The following GRK5 variants were observed in gnomAD, a reference collection of about 807,000 sequenced individuals.
GRK5 encodes the protein g protein-coupled receptor kinase GRK5.
In GRK5, 40 loss-of-function variants were observed where a neutral mutation model predicts 78.4. That is an observed-to-expected ratio of 0.51 (90% CI 0.40 to 0.66). The LOEUF (loss-of-function observed/expected upper bound fraction) is 0.66. GRK5 is among the 30% of genes least tolerant of loss of function. The pLI, the probability that GRK5 is intolerant of heterozygous loss-of-function variation, is 0.00. For synonymous variants in GRK5, 289 were observed against 296.8 expected, an observed-to-expected ratio of 0.97 and a Z score of 0.27; for missense variants, 598 against 759.9, an observed-to-expected ratio of 0.79 and a Z score of 2.50.
intron 1 of GRK5, among the ~76,000 whole-genome samples, chr10:119,227,242 C>T (rs1287875163): frequency 6.6e-6 from 1 of 152,016 alleles, no homozygotes; most frequent in Non-Finnish European, 1.5e-5. Context: ...GATGGGGAGT[C>T]CAGATGCAAA....
rs11198928 is a variant in GRK5, at chr10:119,444,650, C to A, written c.1266+898C>A. On this transcript the variant is annotated intron_variant, in intron 12 of 15. Coordinates refer to ENST00000392870, the MANE Select transcript of GRK5 (RefSeq NM_005308.3). The stretch of plus-strand genomic sequence containing the variant: ...CCAGCCTCATAGGGACAGGAGGGGC[C>A]GGAGCACCCAGCTCCACAATTGCCA... Among the ~76,000 whole-genome samples the A allele has an allele frequency of 3.3e-5, 5 of 152,224 alleles. No individual in the cohort carries two copies. The East Asian group carries it at 7.7e-4, about 24-fold the overall frequency.
At chr10:119,327,975 G>C (rs1049271888) in intron 2 of GRK5, among the ~76,000 whole-genome samples, 1 of 152,216 alleles carries the variant, frequency 6.6e-6, no homozygotes. Flanking sequence ...TGCCCTCTCT[G>C]CTGGCCACAT....
chr10:119,383,786 C>G (rs76709840), intron 3 of GRK5, among the ~76,000 whole-genome samples: 4,875 of 152,236 alleles, frequency 0.032, 208 homozygotes, highest in African/African-American at 0.096. Context: ...TGATATGACG[C>G]AGGGTTCTGG....
intron 10 of GRK5, 21 bp downstream of exon 10, chr10:119,439,789 T>C: frequency 1.2e-6 from 2 of 1,611,908 alleles, no homozygotes; most frequent in Non-Finnish European, 8.5e-7. Context: ...TCCTACTCGG[T>C]AGCTGAGGTG....
chr10:119,441,548 A>G (rs1437094101), intron 10 of GRK5, among the ~76,000 whole-genome samples: 1 of 152,178 alleles, frequency 6.6e-6, no homozygotes, highest in African/African-American at 2.4e-5. Context: ...AAAACAACCA[A>G]TCTCCAGAGA....
chr10:119,282,411 C>T (rs1849776766), intron 1 of GRK5, among the ~76,000 whole-genome samples: 1 of 152,184 alleles, frequency 6.6e-6, no homozygotes, highest in Admixed American at 6.6e-5. Flanking sequence ...GCTAGTTTTC[C>T]CCCTTTCCTT....
rs964863067 is a variant in GRK5, at chr10:119,379,985, C to T, written c.149-830C>T. Among the ~76,000 whole-genome samples the T allele has an allele frequency of 6.6e-6, 1 of 152,054 alleles. No individual in the cohort carries two copies. The highest frequency in any genetic ancestry group is 2.4e-5 in the African/African-American group (1 of 41,384). On this transcript the variant is annotated intron_variant, in intron 2 of 15. Transcript: ENST00000392870. This position sits in a 1 kb window ranked among gnomAD's most constrained non-coding sequence, Gnocchi z 4.1. ...CTCTTGGCTATTGAGTGGGTAAGCG[C>T]GGGTGACTTCCTGTCTCTGTGCCTT... is the stretch of plus-strand genomic sequence containing the variant.
chr10:119,390,893 A>G (rs535763292), intron 3 of GRK5, among the ~76,000 whole-genome samples: 1 of 151,446 alleles, frequency 6.6e-6, no homozygotes, highest in African/African-American at 2.4e-5. Context: ...ACCCTCTGCC[A>G]CTGGGGTGCT....
chr10:119,339,571 T>C (rs961477749), intron 2 of GRK5, among the ~76,000 whole-genome samples: 47 of 152,128 alleles, frequency 3.1e-4, no homozygotes, highest in African/African-American at 1.1e-3. Context: ...TTGTAGGATA[T>C]TTGGGGCCAA....
rs1365055433 is a variant in GRK5, at chr10:119,271,248, G to A, written c.53-55268G>A. ...CTTTGGGCGCTGGTCATTCAGAGAG[G>A]CCCTCTCAGACACGCCTGGCCTCTT... On this transcript the variant is annotated intron_variant, in intron 1 of 15. Transcript: ENST00000392870. The surrounding 1 kb of genome is among the most constrained non-coding windows in gnomAD (Gnocchi z 4.1). Among the ~76,000 whole-genome samples the A allele has an allele frequency of 3.3e-5, 5 of 152,164 alleles. No homozygotes were observed. Among genetic ancestry groups the A allele is most frequent in the Non-Finnish European group, 7.4e-5 (5 of 68,026 alleles).
intron 1 of GRK5, among the ~76,000 whole-genome samples, chr10:119,230,285 A>C (rs1848804080): frequency 6.6e-6 from 1 of 152,146 alleles, no homozygotes; most frequent in African/African-American, 2.4e-5. Context: ...CAGGAGTTCC[A>C]GACTAGCCTA....
chr10:119,374,971 G>T lies in GRK5; in HGVS notation c.149-5844G>T, dbSNP rs995261765. ...CTGTAGAACCATGAGCCAATTAAAC[G>T]TGTTTTCTAATAAATTAACCAGGCT... On this transcript the variant is annotated intron_variant, in intron 2 of 15. Transcript: ENST00000392870. 4.6e-5 allele frequency among the ~76,000 whole-genome samples: 7 copies of T among 152,132 alleles called. No homozygotes were observed. In the East Asian group the frequency reaches 1.3e-3, roughly 29 times the overall value.
chr10:119,223,120 G>T (rs1470445277), intron 1 of GRK5, among the ~76,000 whole-genome samples: 1 of 152,178 alleles, frequency 6.6e-6, no homozygotes, highest in South Asian at 2.1e-4. Flanking sequence ...CCCTCTGAAG[G>T]TACCCGGGGA....
intron 1 of GRK5, among the ~76,000 whole-genome samples, chr10:119,210,142 CT>C (rs201311008): frequency 1.0e-4 from 15 of 150,042 alleles, no homozygotes; most frequent in South Asian, 4.2e-4. Flanking sequence ...GTGCCTTTCA[CT>C]TTTTTTTTTC....
At chr10:119,449,249 C>T (rs1853223432) in intron 13 of GRK5, among the ~76,000 whole-genome samples, 1 of 152,230 alleles carries the variant, frequency 6.6e-6, no homozygotes, top group African/African-American at 2.4e-5. Context: ...GCCTCTGCGT[C>T]CCCCTCTCCC....
intron 1 of GRK5, among the ~76,000 whole-genome samples, chr10:119,302,741 C>T (rs774586671): frequency 6.6e-6 from 1 of 152,110 alleles, no homozygotes; most frequent in African/African-American, 2.4e-5. Context: ...TCAGAGGCTG[C>T]AGAGCCTGGG....
chr10:119,318,295 G>A (rs564585796), intron 1 of GRK5, among the ~76,000 whole-genome samples: 104 of 152,288 alleles, frequency 6.8e-4, no homozygotes, highest in African/African-American at 2.3e-3. Flanking sequence ...TCTGTCAAAC[G>A]GGTTCAATAC....
intron 2 of GRK5, among the ~76,000 whole-genome samples, chr10:119,338,799 G>A (rs941843633): frequency 2.0e-5 from 3 of 152,012 alleles, no homozygotes; most frequent in Non-Finnish European, 2.9e-5. Flanking sequence ...ATAAGCCCTT[G>A]CTTATTTTCA....
intron 3 of GRK5, among the ~76,000 whole-genome samples, chr10:119,388,563 C>T (rs1472911887): frequency 6.6e-6 from 1 of 152,222 alleles, no homozygotes; most frequent in African/African-American, 2.4e-5. Context: ...TCTTGAGCTC[C>T]TGACCTCAAG....
Sources: gnomAD v4.1 joint callset for allele counts (sites outside exome capture counted in the v4.1 genomes callset) on GRCh38, gnomAD v4.1.1 for gene constraint, Gnocchi (gnomAD v3.1) non-coding constraint, MANE v1.5 for transcripts, NCBI Gene and HGNC (gene_info 2026-07-23, HGNC 2026-07-21) for gene names.